ATP2C1: variants seen among roughly 807,000 people sequenced by gnomAD.
ATP2C1 encodes the protein calcium-transporting ATPase type 2C member 1.
ATP2C1 carries 31 observed loss-of-function variants against 120.5 expected under a neutral mutation model. The ratio of observed to expected loss-of-function variants is 0.26; its 90% CI spans 0.19 to 0.35. The LOEUF (loss-of-function observed/expected upper bound fraction) is 0.35. Ranked by LOEUF, ATP2C1 falls within the 10% of genes least tolerant of loss-of-function variation. The pLI, the probability that ATP2C1 is intolerant of heterozygous loss-of-function variation, is 1.00. For missense variants in ATP2C1, 731 were observed against 1,107.5 expected (o/e 0.66, Z 4.83); for synonymous variants, 351 against 358.7 (o/e 0.98, Z 0.24).
chr3:130,982,607 G>T (rs768826004), intron 20 of ATP2C1, among the ~76,000 whole-genome samples: 2 of 152,066 alleles, frequency 1.3e-5, no homozygotes, highest in Non-Finnish European at 2.9e-5. Flanking sequence ...CACTTATCTG[G>T]AATTTATTTT....
At position 130,967,414 on chromosome 3, in the gene ATP2C1, A is replaced by G. The variant is rs2061095009; in HGVS notation, c.1303A>G (p.Met435Val). The part of the protein sequence containing the change: ...PTEGALIALA[M>V]KMGLDGLQQD... ...AGAAGGGGCCTTAATTGCTCTTGCA[A>G]TGAAGGTACGTACCTAAATTTCTCT... is the stretch of plus-strand genomic sequence containing the variant. Residue 435 changes from methionine (M) to valine (V), a missense_variant, in exon 16 of 28, where the codon ATG becomes GTG. This residue lies in a region of ATP2C1 where 571 missense variants were observed against 845.9 expected (regional missense o/e 0.67). Transcript: ENST00000510168. 2 of 1,613,342 alleles carry G rather than the reference A, an allele frequency of 1.2e-6. No individual in the cohort carries two copies. The highest frequency in any genetic ancestry group is 1.7e-6 in the Non-Finnish European group (2 of 1,179,410).
intron 20 of ATP2C1, among the ~76,000 whole-genome samples, chr3:130,992,595 G>C (rs2062407312): frequency 1.3e-5 from 2 of 152,110 alleles, no homozygotes; most frequent in African/African-American, 4.8e-5. Context: ...AAGGGAAAAG[G>C]CTATTTTAGT....
intron 2 of ATP2C1, among the ~76,000 whole-genome samples, chr3:130,915,735 G>A (rs2058659917): frequency 6.6e-6 from 1 of 152,174 alleles, no homozygotes; most frequent in Non-Finnish European, 1.5e-5. Flanking sequence ...TTAGTGTAGG[G>A]TATGGAGTGT....
At chr3:130,949,294 T>C (rs1015894316) in intron 8 of ATP2C1, among the ~76,000 whole-genome samples, 2 of 152,296 alleles carry the variant, frequency 1.3e-5, no homozygotes, top group South Asian at 4.1e-4. Flanking sequence ...AACATTCTTA[T>C]TGTGGATATG....
chr3:130,923,980 C>T (rs557980345), intron 2 of ATP2C1, among the ~76,000 whole-genome samples: 1 of 151,654 alleles, frequency 6.6e-6, no homozygotes, highest in East Asian at 1.9e-4. Context: ...AGGTGAGTCT[C>T]TTGATGACAG....
chr3:131,014,105 T>C (rs760207926), intron 26 of ATP2C1: 2 of 1,606,238 alleles, frequency 1.2e-6, no homozygotes, highest in Admixed American at 3.4e-5. Context: ...TTTCAACCAT[T>C]AACAACCCAA....
chr3:130,892,978 T>C (rs1401916754), upstream of ATP2C1, among the ~76,000 whole-genome samples: 3 of 152,216 alleles, frequency 2.0e-5, no homozygotes, highest in East Asian at 3.8e-4. Context: ...GTAAAGTGTC[T>C]AAGTGTTGAT....
chr3:131,005,974 CTGTT>C (rs2063094590), downstream of ATP2C1, among the ~76,000 whole-genome samples: 2 of 151,970 alleles, frequency 1.3e-5, no homozygotes, highest in African/African-American at 2.4e-5. Context: ...ATGTGTGTGT[CTGTT>C]TATGTGGCAT....
intron 19 of ATP2C1, among the ~76,000 whole-genome samples, chr3:130,980,248 CT>C (rs139503041): frequency 5.0e-3 from 696 of 139,510 alleles, no homozygotes; most frequent in Middle Eastern, 7.5e-3. Context: ...AGTCAAAATT[CT>C]TTTTTTTTTT....
intron 1 of ATP2C1, among the ~76,000 whole-genome samples, chr3:130,881,634 A>G (rs997425106): frequency 2.0e-5 from 3 of 152,228 alleles, no homozygotes; most frequent in Non-Finnish European, 4.4e-5. Flanking sequence ...TTCAATCAGT[A>G]GATTGCTTTG....
At chr3:130,948,468 A>G (rs970891603) in intron 8 of ATP2C1, among the ~76,000 whole-genome samples, 1 of 151,894 alleles carries the variant, frequency 6.6e-6, no homozygotes, top group African/African-American at 2.4e-5. Context: ...TGTTTTCAAG[A>G]TTCTGTCTTT....
In ATP2C1 at chr3:130,939,375, T is replaced by A. The variant is rs143317433; in HGVS notation, c.361-1255T>A. On this transcript the variant is annotated intron_variant, in intron 6 of 27. Transcript: ENST00000510168. ...TCCCCATTCCCCACACCACTGTACT[T>A]CTTCCCAGCCATAAAAATAGCTAAT... Among the ~76,000 whole-genome samples the A allele has an allele frequency of 7.3e-3, 1,114 of 152,316 alleles. 19 individuals carry two copies. The highest frequency in any genetic ancestry group is 0.061 in the East Asian group (316 of 5,184).
chr3:130,963,445 A>G (rs1276207917), intron 12 of ATP2C1: 2 of 157,344 alleles, frequency 1.3e-5, no homozygotes, highest in African/African-American at 4.8e-5. Flanking sequence ...ACTTAGCATA[A>G]TGTTTTCAAG....
intron 2 of ATP2C1, among the ~76,000 whole-genome samples, chr3:130,921,083 T>TC (rs199891756): frequency 1.9e-3 from 284 of 147,526 alleles, no homozygotes; most frequent in African/African-American, 4.8e-3. Flanking sequence ...TTCTTTCTTT[T>TC]TTTTTTTTTT....
At chr3:130,943,370 A>G (rs2060003447) in intron 8 of ATP2C1, among the ~76,000 whole-genome samples, 1 of 152,034 alleles carries the variant, frequency 6.6e-6, no homozygotes, top group Non-Finnish European at 1.5e-5. Context: ...GCCTGCCACC[A>G]CGCCTGGCTA....
intron 12 of ATP2C1, 58 bp downstream of exon 12, chr3:130,959,399 A>G (rs2060720429): frequency 1.7e-6 from 2 of 1,161,638 alleles, no homozygotes; most frequent in East Asian, 2.4e-5. Flanking sequence ...TCTCTAATGG[A>G]CATAGCTTAC....
At chr3:130,858,304 C>T (rs1053837774) in intron 1 of ATP2C1, among the ~76,000 whole-genome samples, 3 of 152,214 alleles carry the variant, frequency 2.0e-5, no homozygotes, top group African/African-American at 7.2e-5. Flanking sequence ...ATCACACCCC[C>T]TGTTCTCTGA....
intron 20 of ATP2C1, among the ~76,000 whole-genome samples, chr3:130,989,205 C>T (rs2062175524): frequency 6.7e-6 from 1 of 149,758 alleles, no homozygotes; most frequent in South Asian, 2.1e-4. Context: ...CGAGATTGCG[C>T]CACTGCACTC....
chr3:130,903,700 C>CCATTTCCCCTTTCCCCTTT (rs2057982285), intron 2 of ATP2C1, among the ~76,000 whole-genome samples: 1 of 138,498 alleles, frequency 7.2e-6, no homozygotes, highest in Non-Finnish European at 1.5e-5. Context: ...TTCCCCTTTC[C>CCATTTCCCCTTTCCCCTTT]CCTTTCCTTT....
Sources: allele counts gnomAD v4.1 joint callset (sites outside exome capture counted in the v4.1 genomes callset), GRCh38; gene constraint gnomAD v4.1.1; regional missense constraint gnomAD v4.1.1; transcripts MANE v1.5; gene names NCBI Gene and HGNC (gene_info 2026-07-23, HGNC 2026-07-21).